UGT1A5: variants seen among roughly 807,000 people sequenced by gnomAD.
The protein encoded by UGT1A5 is UDP-glucuronosyltransferase 1A5.
A neutral mutation model predicts 40.3 loss-of-function variants in UGT1A5; 29 were observed. That is an observed-to-expected ratio of 0.72 (90% CI 0.54 to 0.98). The LOEUF (loss-of-function observed/expected upper bound fraction) is 0.98, where lower values mean the gene tolerates loss of function less well. Ranked by LOEUF, UGT1A5 falls within the 50% of genes least tolerant of loss-of-function variation. The pLI, the probability that UGT1A5 is intolerant of heterozygous loss-of-function variation, is 0.00. For missense variants in UGT1A5, 678 were observed against 677.9 expected, an observed-to-expected ratio of 1.00 and a Z score of 0.00; for synonymous variants, 257 against 262.5, an observed-to-expected ratio of 0.98 and a Z score of 0.20.
chr2:233,719,190 C>A (rs772886660), intron 1 of UGT1A5: 19 of 1,614,048 alleles, frequency 1.2e-5, no homozygotes, highest in Admixed American at 1.0e-4. Flanking sequence ...ATCTTTGGCC[C>A]TTCATAGGTG....
At chr2:233,750,454 C>A (rs1301530948) in intron 1 of UGT1A5, among the ~76,000 whole-genome samples, 2 of 151,940 alleles carry the variant, frequency 1.3e-5, no homozygotes, top group Non-Finnish European at 2.9e-5. Flanking sequence ...TTCAAACCAG[C>A]TACAGAAATA....
intron 1 of UGT1A5, among the ~76,000 whole-genome samples, chr2:233,722,436 A>T (rs984316554): frequency 6.6e-5 from 10 of 152,092 alleles, no homozygotes; most frequent in African/African-American, 2.4e-4. Flanking sequence ...GAATTATTTG[A>T]TTGGTCTTCT....
intron 1 of UGT1A5, among the ~76,000 whole-genome samples, chr2:233,730,227 G>T (rs1389808961): frequency 2.0e-5 from 3 of 152,112 alleles, no homozygotes; most frequent in East Asian, 3.9e-4. Context: ...TTTGTAAAAG[G>T]ATGGACAAGG....
At chr2:233,732,755 G>GTT (rs956485327) in intron 1 of UGT1A5, among the ~76,000 whole-genome samples, 69 of 120,202 alleles carry the variant, frequency 5.7e-4, no homozygotes, top group African/African-American at 1.5e-3. Context: ...CACCAGCTTT[G>GTT]TTTTTTTTTT....
Position 233,713,751 on chromosome 2 carries a change from G to C in UGT1A5, c.760G>C (p.Val254Leu). The C allele has an allele frequency of 6.2e-7, 1 of 1,613,962 alleles. No individual in the cohort carries two copies. Among genetic ancestry groups the C allele is most frequent in the South Asian group, 1.1e-5 (1 of 91,072 alleles). The change falls in exon 1 of 5, where the codon GTG becomes CTG. Residue 254 changes from valine (V) to leucine (L), a missense_variant. Val to Leu is a conservative substitution (Grantham distance 32). Transcript: ENST00000373414. ...SVVDLVSHAS[V>L]WLFRGDFVMD... ...GGTGGATCTTGTCAGCCATGCATCTGTGTGGCTGTTCCGAGGGGACTTTGT... is the reference window on the plus strand; with the variant it reads ...GGTGGATCTTGTCAGCCATGCATCTCTGTGGCTGTTCCGAGGGGACTTTGT...
Position 233,769,836 on chromosome 2 carries a change from C to T in UGT1A5, c.1307+1397C>T. ...TGCCACTGCACTCCAGCAACCTGGGCAACAGAGTGAGACCCTGTCTCAAAA... is the reference window on the plus strand; with the variant it reads ...TGCCACTGCACTCCAGCAACCTGGGTAACAGAGTGAGACCCTGTCTCAAAA... On this transcript the variant is annotated intron_variant, in intron 4 of 4. Coordinates refer to ENST00000373414, the MANE Select transcript of UGT1A5 (RefSeq NM_019078.2). This position sits in a 1 kb window ranked among gnomAD's most constrained non-coding sequence, Gnocchi z 4.4. 7.4e-6 allele frequency: 4 copies of T among 538,192 alleles called. No individual in the cohort carries two copies. The highest frequency in any genetic ancestry group is 1.1e-5 in the Non-Finnish European group (4 of 353,822). 33.3% of individuals were successfully genotyped at this position (538,192 alleles called of 1,614,324 possible).
Position 233,772,755 on chromosome 2 carries a change from G to A in UGT1A5, c.*196G>A, listed in dbSNP as rs997044425. On this transcript the variant is annotated 3_prime_UTR_variant, in exon 5 of 5. Transcript: ENST00000373414. Reference sequence around the variant, plus strand: ...CTAGTCAGTAAAGATATTTGAATATGTATCGTGCCCCCTCTGGTGTCTTTG... The same window carrying A: ...CTAGTCAGTAAAGATATTTGAATATATATCGTGCCCCCTCTGGTGTCTTTG... 9 of 1,407,806 alleles carry A rather than the reference G, an allele frequency of 6.4e-6. No homozygotes were observed. The African/African-American group carries it at 1.3e-4, about 20-fold the overall frequency. The allele number at this position is 1,407,806 out of a possible 1,614,324, so 87.2% of individuals were successfully genotyped here.
intron 1 of UGT1A5, among the ~76,000 whole-genome samples, chr2:233,725,052 CGGCGCGCGCCTG>C (rs2077353834): frequency 6.8e-6 from 1 of 147,562 alleles, no homozygotes; most frequent in African/African-American, 2.5e-5. Flanking sequence ...TCAGGCGTGG[CGGCGCGCGCCTG>C]CAATCGCAGG....
At position 233,729,426 on chromosome 2, in the gene UGT1A5, C is replaced by T. The variant is rs141561137; in HGVS notation, c.867+15568C>T. On this transcript the variant is annotated intron_variant, in intron 1 of 4. Coordinates refer to ENST00000373414, the MANE Select transcript of UGT1A5 (RefSeq NM_019078.2). The stretch of plus-strand genomic sequence containing the variant: ...ATGTGCTGGGCCACACTCAACTGTA[C>T]TTTGAAACAGAACATTTTCTGAAGA... The T allele has an allele frequency of 1.1e-4, 183 of 1,613,828 alleles. 1 individual carries two copies. The African/African-American group carries it at 2.1e-3, about 19-fold the overall frequency.
chr2:233,725,324 T>TAACAA lies in UGT1A5; in HGVS notation c.867+11466_867+11467insAACAA, dbSNP rs1473131454. Among the ~76,000 whole-genome samples, 2 of 93,548 alleles carry TAACAA rather than the reference T, an allele frequency of 2.1e-5. 1 individual carries two copies. Among genetic ancestry groups the TAACAA allele is most frequent in the Non-Finnish European group, 4.5e-5 (2 of 44,118 alleles). 61.4% of individuals were successfully genotyped at this position (93,548 alleles called of 152,430 possible). A position where few individuals can be genotyped will look rare whatever the true frequency, so the allele number is the denominator to read the frequency against. ...CAGAGGCAGAGGCAGAGGCGCCTGG[T>TAACAA]CAACAATCTTAAGTCCAATAAGAAT... On this transcript the variant is annotated intron_variant, in intron 1 of 4. Coordinates refer to ENST00000373414, the MANE Select transcript of UGT1A5 (RefSeq NM_019078.2).
At chr2:233,766,944 A>C (rs1699286381) in intron 1 of UGT1A5, 90 bp from the exon 2 acceptor site, 2 of 1,597,570 alleles carry the variant, frequency 1.3e-6, no homozygotes, top group South Asian at 2.3e-5. Context: ...TCATAGTCTT[A>C]AGAGGAAGAT....
chr2:233,756,334 A>G (rs1057243294), intron 1 of UGT1A5: 3 of 152,176 alleles, frequency 2.0e-5, no homozygotes, highest in African/African-American at 7.2e-5. Context: ...ACCTCTAGTC[A>G]TCTCTTGATT....
chr2:233,747,798 A>T (rs1693779334), intron 1 of UGT1A5: 1 of 1,613,348 alleles, frequency 6.2e-7, no homozygotes, highest in Non-Finnish European at 8.5e-7. Context: ...CTATATTCCT[A>T]AGTTACTAAC....
chr2:233,767,712 C>G (rs1699458163), intron 2 of UGT1A5, 137 bp from the exon 3 acceptor site: 1 of 1,533,444 alleles, frequency 6.5e-7, no homozygotes, highest in African/African-American at 1.4e-5. Flanking sequence ...CCTCAGAAGC[C>G]TTCACAGTTA....
intron 1 of UGT1A5, among the ~76,000 whole-genome samples, chr2:233,749,087 T>C (rs1694105720): frequency 1.3e-5 from 2 of 151,858 alleles, no homozygotes; most frequent in African/African-American, 2.4e-5. Context: ...GTGTGCCATG[T>C]ATTTCATGAG....
chr2:233,762,263 T>A (rs1459310284), intron 1 of UGT1A5, among the ~76,000 whole-genome samples: 1 of 152,194 alleles, frequency 6.6e-6, no homozygotes, highest in Non-Finnish European at 1.5e-5. Context: ...CGAATATGTG[T>A]TACATTAATG....
At chr2:233,716,461 A>G (rs2076505023) in intron 1 of UGT1A5, among the ~76,000 whole-genome samples, 1 of 151,896 alleles carries the variant, frequency 6.6e-6, no homozygotes, top group Non-Finnish European at 1.5e-5. Context: ...TTTAAATTTA[A>G]TTTTTGTTTC....
intron 1 of UGT1A5, among the ~76,000 whole-genome samples, chr2:233,731,393 G>C (rs558248956): frequency 2.0e-5 from 3 of 151,372 alleles, no homozygotes; most frequent in Admixed American, 1.3e-4. Flanking sequence ...CCACCAACTC[G>C]TCATTTACAT....
intron 1 of UGT1A5, chr2:233,729,580 G>T (rs1173823141): frequency 2.5e-6 from 4 of 1,613,992 alleles, no homozygotes; most frequent in Non-Finnish European, 3.4e-6. Flanking sequence ...GGTTTTAACA[G>T]ACCCCGTTAA....
Sources: allele counts gnomAD v4.1 joint callset (sites outside exome capture counted in the v4.1 genomes callset), GRCh38; gene constraint gnomAD v4.1.1; non-coding constraint Gnocchi (gnomAD v3.1); transcripts MANE v1.5; gene names NCBI Gene and HGNC (gene_info 2026-07-23, HGNC 2026-07-21).